Variants in TMEM114 observed in about 807,000 individuals in gnomAD.
The protein encoded by TMEM114 is transmembrane protein 114.
In TMEM114, 6 loss-of-function variants were observed where a neutral mutation model predicts 6.2. The ratio of observed to expected loss-of-function variants is 0.97; its 90% CI spans 0.53 to 1.91. The LOEUF (loss-of-function observed/expected upper bound fraction) is 1.91, where lower values mean the gene tolerates loss of function less well. TMEM114 is among the 40% of genes most tolerant of loss of function. The probability of loss-of-function intolerance (pLI) is 0.01; values close to 1 mark genes in which losing one functional copy is unlikely to be tolerated. For synonymous variants in TMEM114, 104 were observed against 73.0 expected, an observed-to-expected ratio of 1.42 and a Z score of -2.16; for missense variants, 218 against 158.3, an observed-to-expected ratio of 1.38 and a Z score of -2.02.
downstream of TMEM114, among the ~76,000 whole-genome samples, chr16:8,534,557 G>C (rs749347654): frequency 6.6e-6 from 1 of 152,096 alleles, no homozygotes; most frequent in Non-Finnish European, 1.5e-5. Context: ...TTTTCCTTTG[G>C]CAGTGAAAGA....
chr16:8,537,089 C>T (rs1367825318), downstream of TMEM114, among the ~76,000 whole-genome samples: 1 of 151,990 alleles, frequency 6.6e-6, no homozygotes, highest in East Asian at 1.9e-4. Context: ...ACCTGTAGTC[C>T]CAGCTTCTTG....
intron 2 of TMEM114, among the ~76,000 whole-genome samples, chr16:8,585,932 G>T (rs879830919): frequency 6.6e-6 from 1 of 152,192 alleles, no homozygotes; most frequent in Non-Finnish European, 1.5e-5. Context: ...GTGAAACTGC[G>T]GGTTAGCCCT....
intron 2 of TMEM114, among the ~76,000 whole-genome samples, chr16:8,549,181 C>CAA (rs1216258524): frequency 0.014 from 703 of 49,136 alleles, 26 homozygotes; most frequent in African/African-American, 0.044. Context: ...GACTCCATCT[C>CAA]AAAAAAAAAA....
chr16:8,588,711 A>G (rs1902390618), intron 2 of TMEM114, among the ~76,000 whole-genome samples: 1 of 152,142 alleles, frequency 6.6e-6, no homozygotes, highest in South Asian at 2.1e-4. Context: ...TCATATATTT[A>G]TATGCAAATT....
intron 2 of TMEM114, among the ~76,000 whole-genome samples, chr16:8,553,904 G>A (rs566180441): frequency 1.3e-5 from 2 of 149,502 alleles, no homozygotes; most frequent in Admixed American, 6.6e-5. Context: ...TTTGAGACAG[G>A]GTCTCTCTCA....
At chr16:8,554,940 A>G (rs1041577884) in intron 2 of TMEM114, among the ~76,000 whole-genome samples, 1 of 152,176 alleles carries the variant, frequency 6.6e-6, no homozygotes, top group Non-Finnish European at 1.5e-5. Context: ...TTGAGCCCCT[A>G]TGCTCTGCAG....
chr16:8,550,476 T>G (rs1253307347), intron 2 of TMEM114, among the ~76,000 whole-genome samples: 1 of 151,822 alleles, frequency 6.6e-6, no homozygotes, highest in African/African-American at 2.4e-5. Flanking sequence ...GTCAGGAGTT[T>G]GAGAGCAGCC....
intron 2 of TMEM114, among the ~76,000 whole-genome samples, chr16:8,587,008 A>G (rs1234864517): frequency 1.3e-5 from 2 of 152,140 alleles, no homozygotes; most frequent in African/African-American, 2.4e-5. Flanking sequence ...CACAAGAGCC[A>G]GTTAAGCTTT....
the TMEM114 span, among the ~76,000 whole-genome samples, chr16:8,529,555 T>C: frequency 2.0e-5 from 3 of 152,140 alleles, no homozygotes; most frequent in Non-Finnish European, 2.9e-5. Context: ...AAATGCTGAT[T>C]CCCAGATCCC....
chr16:8,564,594 TGACGGAGG>T (rs1901454983), downstream of TMEM114, among the ~76,000 whole-genome samples: 1 of 82,016 alleles, frequency 1.2e-5, no homozygotes, highest in African/African-American at 4.8e-5. Context: ...AATGAGTGAG[TGACGGAGG>T]GAGGGAATGA....
intron 2 of TMEM114, among the ~76,000 whole-genome samples, chr16:8,553,847 A>G (rs1900921833): frequency 6.7e-6 from 1 of 150,370 alleles, no homozygotes; most frequent in Non-Finnish European, 1.5e-5. Context: ...TTACAGGCTC[A>G]CACCACTATG....
rs1041011417 is a variant in TMEM114, at chr16:8,572,414, C to T, written c.302-190G>A. The T allele has an allele frequency of 4.6e-6, 3 of 658,304 alleles. No individual in the cohort carries two copies. In the Admixed American group the frequency reaches 7.6e-5, roughly 17 times the overall value. 40.8% of individuals were successfully genotyped at this position (658,304 alleles called of 1,614,324 possible). A position where few individuals can be genotyped will look rare whatever the true frequency, so the allele number is the denominator to read the frequency against. On this transcript the variant is annotated intron_variant, in intron 2 of 3. Coordinates refer to ENST00000620492, the MANE Select transcript of TMEM114 (RefSeq NM_001146336.2). ...AACAGTGGTTGAGGCTCATCTCGTGCAAGGCTGTGTGCTTTGTTCTTGTTG... is the reference window on the plus strand; with the variant it reads ...AACAGTGGTTGAGGCTCATCTCGTGTAAGGCTGTGTGCTTTGTTCTTGTTG...
chr16:8,536,224 CAA>C (rs34583203), downstream of TMEM114, among the ~76,000 whole-genome samples: 37 of 107,410 alleles, frequency 3.4e-4, no homozygotes, highest in African/African-American at 4.1e-4. Context: ...AACTCTGTCT[CAA>C]AAAAAAAAAA....
chr16:8,555,233 G>A (rs1164356262), intron 2 of TMEM114, among the ~76,000 whole-genome samples: 1 of 152,164 alleles, frequency 6.6e-6, no homozygotes, highest in Non-Finnish European at 1.5e-5. Context: ...GTAAGTTCTT[G>A]GCTTAGCCCA....
chr16:8,549,690 A>T (rs1172582309), intron 2 of TMEM114, among the ~76,000 whole-genome samples: 4 of 151,998 alleles, frequency 2.6e-5, no homozygotes, highest in African/African-American at 9.7e-5. Context: ...ATCTTTTTGT[A>T]TGCGGGGTTC....
chr16:8,534,789 C>T (rs4614711), downstream of TMEM114, among the ~76,000 whole-genome samples: 84,465 of 152,078 alleles, frequency 0.56, 23,727 homozygotes, highest in South Asian at 0.68. Flanking sequence ...GTTATCATCG[C>T]TATGGTTGTA....
At chr16:8,564,917 CTGAGTGAGGGAATGAG>C (rs1235900254), downstream of TMEM114, among the ~76,000 whole-genome samples, 2 of 55,022 alleles carry the variant, frequency 3.6e-5, no homozygotes, top group South Asian at 5.6e-4. Flanking sequence ...GAATGAGTGA[CTGAGTGAGGGAATGAG>C]TGAGTGAGGG....
chr16:8,537,486 G>C (rs905794094), downstream of TMEM114: 10 of 152,122 alleles, frequency 6.6e-5, no homozygotes, highest in Non-Finnish European at 8.8e-5. Context: ...GGGTGACAGA[G>C]TGAGACTCCA....
intron 2 of TMEM114, among the ~76,000 whole-genome samples, chr16:8,559,911 G>C (rs1400435849): frequency 6.6e-6 from 1 of 152,218 alleles, no homozygotes; most frequent in Admixed American, 6.5e-5. Context: ...GTGGCTGAAT[G>C]GGAGGCAGAA....
Sources: allele counts gnomAD v4.1 joint callset (sites outside exome capture counted in the v4.1 genomes callset), GRCh38; gene constraint gnomAD v4.1.1; transcripts MANE v1.5; gene names NCBI Gene and HGNC (gene_info 2026-07-23, HGNC 2026-07-21).